The following HHIPL1 variants were observed in gnomAD, a reference collection of about 807,000 sequenced individuals.
The protein encoded by HHIPL1 is HHIP like 1, also known as HHIP-like protein 1.
Under a neutral mutation model 61.8 loss-of-function variants are expected in HHIPL1, and 43 were observed. The observed-to-expected ratio is 0.70, with a 90% CI of 0.55 to 0.90. The LOEUF (loss-of-function observed/expected upper bound fraction) is 0.90, where lower values mean the gene tolerates loss of function less well. Ranked by LOEUF, HHIPL1 falls within the 40% of genes least tolerant of loss-of-function variation. The pLI is 0.00. For synonymous variants in HHIPL1, 482 were observed against 515.8 expected (o/e 0.93, Z 0.89); for missense variants, 1,056 against 1,157.7 (o/e 0.91, Z 1.28).
the HHIPL1 span, among the ~76,000 whole-genome samples, chr14:99,607,212 T>C: frequency 2.6e-3 from 391 of 151,808 alleles, 1 homozygote; most frequent in Non-Finnish European, 5.0e-3. Flanking sequence ...TTCTTTTCTT[T>C]TTTCCCCCAT....
chr14:99,637,581 A>AG, the HHIPL1 span, among the ~76,000 whole-genome samples: 5 of 151,892 alleles, frequency 3.3e-5, no homozygotes, highest in African/African-American at 4.8e-5. Flanking sequence ...CAAAAAAAAA[A>AG]AAAGAAAGAA....
At chr14:99,621,729 T>C in the HHIPL1 span, among the ~76,000 whole-genome samples, 1 of 140,270 alleles carries the variant, frequency 7.1e-6, no homozygotes. Flanking sequence ...TTTTTTTTTT[T>C]TTTTGAGACA....
intron 6 of HHIPL1, among the ~76,000 whole-genome samples, chr14:99,664,298 T>C (rs2140083915): frequency 6.6e-6 from 1 of 152,258 alleles, no homozygotes; most frequent in Middle Eastern, 3.4e-3. Flanking sequence ...ACCGTCAGAA[T>C]CTGAATTTCC....
upstream of HHIPL1, among the ~76,000 whole-genome samples, chr14:99,640,210 T>C (rs749507133): frequency 3.9e-5 from 6 of 152,236 alleles, no homozygotes; most frequent in Non-Finnish European, 7.3e-5. Flanking sequence ...TTATATTTCT[T>C]TTACAATTAT....
the HHIPL1 span, among the ~76,000 whole-genome samples, chr14:99,639,702 C>A: frequency 6.6e-6 from 1 of 151,860 alleles, no homozygotes; most frequent in Non-Finnish European, 1.5e-5. Flanking sequence ...TGCTGCGTTG[C>A]CCAGGCTGGA....
chr14:99,627,366 A>ATCCATCCG, the HHIPL1 span, among the ~76,000 whole-genome samples: 4 of 151,630 alleles, frequency 2.6e-5, no homozygotes, highest in African/African-American at 9.7e-5. This position sits in a 1 kb window ranked among gnomAD's most constrained non-coding sequence, Gnocchi z 4.4. Context: ...CCATCCATCC[A>ATCCATCCG]TCCGTCCATC....
At chr14:99,615,936 A>G in the HHIPL1 span, among the ~76,000 whole-genome samples, 8,953 of 152,190 alleles carry the variant, frequency 0.059, 877 homozygotes, top group African/African-American at 0.21. Flanking sequence ...CCCAGAAAAA[A>G]CCAAGCAAGT....
In HHIPL1 at chr14:99,672,316, G is replaced by A; in HGVS notation, c.1731-1G>A. 3 of 1,551,158 alleles carry A rather than the reference G, an allele frequency of 1.9e-6. No homozygotes were observed. Among genetic ancestry groups the A allele is most frequent in the Non-Finnish European group, 2.6e-6 (3 of 1,146,884 alleles). On this transcript the variant is annotated splice_acceptor_variant, in intron 7 of 8. Coordinates refer to ENST00000330710, the MANE Select transcript of HHIPL1 (RefSeq NM_001127258.3). LOFTEE classifies it high-confidence loss of function. ...CATAACCTCCTGTGTGTCGTTGGCA[G>A]GCGGGCACCACCTGGCAAATGTCAG...
At chr14:99,651,517 A>G (rs1210536044) in intron 1 of HHIPL1, among the ~76,000 whole-genome samples, 1 of 152,218 alleles carries the variant, frequency 6.6e-6, no homozygotes, top group Non-Finnish European at 1.5e-5. Flanking sequence ...CACTCGCTCT[A>G]CAGTACCAAG....
At chr14:99,646,230 A>G (rs2055831718) in intron 1 of HHIPL1, among the ~76,000 whole-genome samples, 1 of 152,178 alleles carries the variant, frequency 6.6e-6, no homozygotes, top group Non-Finnish European at 1.5e-5. Flanking sequence ...CAAGTGGGCA[A>G]ATGTTGCCTG....
chr14:99,604,963 C>T, the HHIPL1 span, among the ~76,000 whole-genome samples: 1 of 152,190 alleles, frequency 6.6e-6, no homozygotes, highest in Admixed American at 6.5e-5. Flanking sequence ...CGTCTCCACT[C>T]CTAGCCCAGG....
chr14:99,621,862 C>T, the HHIPL1 span, among the ~76,000 whole-genome samples: 3 of 151,634 alleles, frequency 2.0e-5, no homozygotes, highest in Non-Finnish European at 4.4e-5. Context: ...ACCACAGGTA[C>T]GTGCCACCAT....
chr14:99,665,856 A>G (rs1434599297), intron 6 of HHIPL1, among the ~76,000 whole-genome samples: 5 of 150,830 alleles, frequency 3.3e-5, no homozygotes, highest in Non-Finnish European at 5.9e-5. Flanking sequence ...ATCTCGGCTC[A>G]CTGCAACCTC....
chr14:99,659,624 CTCTTCTGCG>C lies in HHIPL1; in HGVS notation c.1244_1252del (p.Leu415_Gly418delinsArg). The C allele has an allele frequency of 6.4e-7, 1 of 1,552,042 alleles. No individual in the cohort carries two copies. Among genetic ancestry groups the C allele is most frequent in the Non-Finnish European group, 8.7e-7 (1 of 1,153,094 alleles). ...CTCCTCGGGCACTGGCCGCGGGCGCCTCTTCTGCGGCGACGTGGGCCAGAACAAGTTCGA... is the reference window on the plus strand; with the variant it reads ...CTCCTCGGGCACTGGCCGCGGGCGCCGCGACGTGGGCCAGAACAAGTTCGA... On this transcript the variant is annotated inframe_deletion, in exon 4 of 9. Coordinates refer to ENST00000330710, the MANE Select transcript of HHIPL1 (RefSeq NM_001127258.3).
chr14:99,609,689 G>T, the HHIPL1 span, among the ~76,000 whole-genome samples: 1 of 152,244 alleles, frequency 6.6e-6, no homozygotes, highest in Non-Finnish European at 1.5e-5. Flanking sequence ...AGGGCTAGGG[G>T]AGGATGGGTT....
rs1222349174 is a variant in HHIPL1, at chr14:99,659,516, G to C, written c.1135G>C (p.Val379Leu). Residue 379 changes from valine to leucine, a missense_variant, in exon 4 of 9, where the codon GTG becomes CTG. Transcript: ENST00000330710. ...PYGIPPDNPF[V>L]GDPAAQPEVY... ...CGGCATCCCGCCCGACAACCCGTTC[G>C]TGGGCGACCCCGCGGCGCAGCCCGA... is the stretch of plus-strand genomic sequence containing the variant. The C allele has an allele frequency of 6.5e-7, 1 of 1,542,700 alleles. No homozygotes were observed. Among genetic ancestry groups the C allele is most frequent in the Non-Finnish European group, 8.7e-7 (1 of 1,148,554 alleles).
Position 99,660,383 on chromosome 14 carries a change from C to A in HHIPL1, c.1479C>A (p.Tyr493Ter). 2 of 1,613,764 alleles carry A rather than the reference C, an allele frequency of 1.2e-6. No individual in the cohort carries two copies. Among genetic ancestry groups the A allele is most frequent in the Non-Finnish European group, 1.7e-6 (2 of 1,179,742 alleles). Residue 493 changes from tyrosine (Y) to a stop codon, truncating the protein, a stop_gained, in exon 5 of 9, where the codon TAC (tyrosine) becomes TAA (stop). Transcript: ENST00000330710. LOFTEE classifies it high-confidence loss of function. The surrounding 1 kb of genome is among the most constrained non-coding windows in gnomAD (Gnocchi z 4.9). ...GCEYPNLNGL[Y>*]IFGDFMSGRL... is the part of the protein sequence containing the mutation. ...AGTACCCCAACCTGAACGGCCTCTA[C>A]ATTTTTGGGGATTTCATGAGCGGGT...
At chr14:99,667,679 C>G (rs929872208) in intron 6 of HHIPL1, among the ~76,000 whole-genome samples, 3 of 152,162 alleles carry the variant, frequency 2.0e-5, no homozygotes, top group African/African-American at 7.2e-5. Flanking sequence ...TGGCAGGGCC[C>G]AAATCCCGGA....
chr14:99,620,948 C>T, the HHIPL1 span, among the ~76,000 whole-genome samples: 1 of 152,338 alleles, frequency 6.6e-6, no homozygotes, highest in East Asian at 1.9e-4. Flanking sequence ...TCGGGTCTGC[C>T]CTGTCCCAGG....
Sources: gnomAD v4.1 joint callset for allele counts (sites outside exome capture counted in the v4.1 genomes callset) on GRCh38, gnomAD v4.1.1 for gene constraint, Gnocchi (gnomAD v3.1) non-coding constraint, MANE v1.5 for transcripts, NCBI Gene and HGNC (gene_info 2026-07-23, HGNC 2026-07-21) for gene names.